Variants in PLEKHA6 observed in about 807,000 individuals in gnomAD.
PLEKHA6 encodes the protein pleckstrin homology domain-containing family A member 6.
A neutral mutation model predicts 116.7 loss-of-function variants in PLEKHA6; 60 were observed. The ratio of observed to expected loss-of-function variants is 0.51; its 90% CI spans 0.42 to 0.64. The LOEUF is 0.64. Ranked by LOEUF, PLEKHA6 falls within the 30% of genes least tolerant of loss-of-function variation. PLEKHA6 has a pLI of 0.00. For missense variants in PLEKHA6, 1,338 were observed against 1,422.7 expected, an observed-to-expected ratio of 0.94 and a Z score of 0.96; for synonymous variants, 489 against 556.1, an observed-to-expected ratio of 0.88 and a Z score of 1.70.
chr1:204,345,925 G>A (rs1485111781), intron 1 of PLEKHA6, among the ~76,000 whole-genome samples: 1 of 152,260 alleles, frequency 6.6e-6, no homozygotes, highest in East Asian at 1.9e-4. Context: ...AGTGACCCCT[G>A]TTACAGGGAT....
intron 1 of PLEKHA6, among the ~76,000 whole-genome samples, chr1:204,299,122 G>A (rs1445970285): frequency 2.0e-5 from 3 of 152,224 alleles, no homozygotes; most frequent in Non-Finnish European, 4.4e-5. Flanking sequence ...CAGCTGCTTT[G>A]AGTAGTCAGT....
intron 1 of PLEKHA6, among the ~76,000 whole-genome samples, chr1:204,331,864 G>A (rs1325347629): frequency 2.2e-5 from 3 of 138,382 alleles, no homozygotes; most frequent in Admixed American, 7.4e-5. Flanking sequence ...TCACCCAGCC[G>A]TCCCCCCGTC....
intron 1 of PLEKHA6, among the ~76,000 whole-genome samples, chr1:204,325,262 C>T (rs769335256): frequency 4.6e-5 from 7 of 152,122 alleles, no homozygotes; most frequent in Non-Finnish European, 1.0e-4. Context: ...CCATAGAAAA[C>T]GAATGCCAGG....
chr1:204,233,925 G>A (rs1444399030), intron 17 of PLEKHA6, among the ~76,000 whole-genome samples: 5 of 152,102 alleles, frequency 3.3e-5, no homozygotes, highest in Admixed American at 1.3e-4. Flanking sequence ...AGACTTTTGG[G>A]AATGTTGGTG....
chr1:204,305,264 T>C (rs1320079356), intron 1 of PLEKHA6, among the ~76,000 whole-genome samples: 1 of 152,080 alleles, frequency 6.6e-6, no homozygotes, highest in Non-Finnish European at 1.5e-5. Flanking sequence ...GCAGAAAGTA[T>C]GGGGGATGAA....
chr1:204,366,091 G>A (rs1353678539), intron 3 of PLEKHA6, among the ~76,000 whole-genome samples: 1 of 152,240 alleles, frequency 6.6e-6, no homozygotes, highest in Non-Finnish European at 1.5e-5. Flanking sequence ...CATGGGACAC[G>A]AGGTCAGAGA....
chr1:204,365,983 T>C (rs962251434), intron 3 of PLEKHA6, among the ~76,000 whole-genome samples: 1 of 152,076 alleles, frequency 6.6e-6, no homozygotes, highest in Admixed American at 6.5e-5. Flanking sequence ...GGGAGGACAG[T>C]GCTCCCAGGC....
At chr1:204,314,491 T>C (rs946240800) in intron 1 of PLEKHA6, among the ~76,000 whole-genome samples, 1 of 152,196 alleles carries the variant, frequency 6.6e-6, no homozygotes, top group African/African-American at 2.4e-5. Context: ...ACGACAAGAC[T>C]GATCCTAACT....
At position 204,228,794 on chromosome 1, in the gene PLEKHA6, C is replaced by T. The variant is rs1400775386; in HGVS notation, c.2819G>A (p.Ser940Asn). The T allele has an allele frequency of 6.2e-7, 1 of 1,613,994 alleles. No homozygotes were observed. Among genetic ancestry groups the T allele is most frequent in the East Asian group, 2.2e-5 (1 of 44,878 alleles). Reference sequence around the variant, plus strand: ...CTGCTTCTCCTTCAACTCCTCAGGGCTCAGGGGAGTGTCAGGCTCCAGGTC... The same window carrying T: ...CTGCTTCTCCTTCAACTCCTCAGGGTTCAGGGGAGTGTCAGGCTCCAGGTC... ...YIDLEPDTPL[S>N]PEELKEKQKK... The change falls in exon 20 of 23, where the codon AGC (serine) becomes AAC (asparagine). Residue 940 changes from serine (S) to asparagine (N), a missense_variant. This residue lies in a region of PLEKHA6 where 1,136 missense variants were observed against 1,163.6 expected (regional missense o/e 0.98). Coordinates refer to ENST00000272203, the MANE Select transcript of PLEKHA6 (RefSeq NM_014935.5). The surrounding 1 kb of genome is among the most constrained non-coding windows in gnomAD (Gnocchi z 4.0).
chr1:204,317,924 G>T (rs1671920454), intron 1 of PLEKHA6, among the ~76,000 whole-genome samples: 1 of 152,164 alleles, frequency 6.6e-6, no homozygotes, highest in South Asian at 2.1e-4. Flanking sequence ...TATCATTATT[G>T]TGAGGACTGT....
intron 1 of PLEKHA6, among the ~76,000 whole-genome samples, chr1:204,338,359 G>T (rs16853443): frequency 6.6e-6 from 1 of 152,156 alleles, no homozygotes; most frequent in Non-Finnish European, 1.5e-5. Context: ...TCTGTTAAAT[G>T]CACATACAAA....
At chr1:204,244,091 G>A (rs1663265380) in intron 15 of PLEKHA6, among the ~76,000 whole-genome samples, 2 of 152,132 alleles carry the variant, frequency 1.3e-5, no homozygotes, top group South Asian at 4.2e-4. Flanking sequence ...AAAGTTCTGG[G>A]ATTACAGGCG....
intron 18 of PLEKHA6, among the ~76,000 whole-genome samples, chr1:204,229,711 A>T (rs924574561): frequency 2.0e-5 from 3 of 152,116 alleles, no homozygotes; most frequent in Non-Finnish European, 4.4e-5. Context: ...AGCCAACCAC[A>T]CCCGGCTAAC....
chr1:204,358,478 C>T (rs1483858329), intron 1 of PLEKHA6, among the ~76,000 whole-genome samples: 2 of 152,166 alleles, frequency 1.3e-5, no homozygotes, highest in African/African-American at 4.8e-5. Context: ...GCCTGGAAAA[C>T]AGGATTTGGG....
In PLEKHA6 at chr1:204,347,100, G is replaced by A. The variant is rs1179809981; in HGVS notation, c.-95+12594C>T. On this transcript the variant is annotated intron_variant, in intron 1 of 22. Coordinates refer to ENST00000272203, the MANE Select transcript of PLEKHA6 (RefSeq NM_014935.5). Reference sequence around the variant, plus strand: ...CAGTTTTGCCGTGGTAACGCGTGTGGGGCATTCCTTTTTGAACAGTACCCA... The same window carrying A: ...CAGTTTTGCCGTGGTAACGCGTGTGAGGCATTCCTTTTTGAACAGTACCCA... 5.9e-5 allele frequency: 74 copies of A among 1,253,792 alleles called. 2 individuals carry two copies. The South Asian group carries it at 7.9e-4, about 13-fold the overall frequency. 77.7% of individuals were successfully genotyped at this position (1,253,792 alleles called of 1,614,324 possible).
In PLEKHA6 at chr1:204,249,216, C is replaced by T. The variant is rs963137977; in HGVS notation, c.1642G>A (p.Asp548Asn). Residue 548 changes from aspartate to asparagine, a missense_variant, in exon 11 of 23, where the codon GAC becomes AAC. By Grantham distance (23) the Asp-to-Asn change is conservative. Around this residue, in one of 3 missense-constraint regions of PLEKHA6, gnomAD observed 1,136 missense variants for 1,163.6 expected, o/e 0.98. Transcript: ENST00000272203. ...GCTCGGAGCTGCTGCACCAGCCGGTCCTGCTCCCTCACCACCTTGTTCTGC... is the reference window on the plus strand; with the variant it reads ...GCTCGGAGCTGCTGCACCAGCCGGTTCTGCTCCCTCACCACCTTGTTCTGC... ...CEQNKVVREQ[D>N]RLVQQLRAEK... 8 of 1,614,078 alleles carry T rather than the reference C, an allele frequency of 5.0e-6. No individual in the cohort carries two copies. The highest frequency in any genetic ancestry group is 5.9e-6 in the Non-Finnish European group (7 of 1,179,898).
intron 1 of PLEKHA6, among the ~76,000 whole-genome samples, chr1:204,278,751 G>T (rs1014532330): frequency 6.6e-6 from 1 of 152,178 alleles, no homozygotes. Context: ...TCGGTTTTCA[G>T]ATCACATCCT....
At chr1:204,252,223 C>T (rs1664666766) in intron 9 of PLEKHA6, among the ~76,000 whole-genome samples, 1 of 150,190 alleles carries the variant, frequency 6.7e-6, no homozygotes, top group Admixed American at 6.7e-5. Context: ...ACAAGCAAGC[C>T]ACATTAAAGG....
At chr1:204,225,996 C>T (rs981323591) in intron 21 of PLEKHA6, among the ~76,000 whole-genome samples, 5 of 152,268 alleles carry the variant, frequency 3.3e-5, no homozygotes, top group Non-Finnish European at 7.3e-5. Context: ...TCACTGATTA[C>T]TCTGTCCATG....
Sources: allele counts gnomAD v4.1 joint callset (sites outside exome capture counted in the v4.1 genomes callset), GRCh38; gene constraint gnomAD v4.1.1; regional missense constraint gnomAD v4.1.1; non-coding constraint Gnocchi (gnomAD v3.1); transcripts MANE v1.5; gene names NCBI Gene and HGNC (gene_info 2026-07-23, HGNC 2026-07-21).